Variants in POF1B observed in about 807,000 individuals in gnomAD.
POF1B encodes the protein protein POF1B.
POF1B carries 53 observed loss-of-function variants against 55.3 expected under a neutral mutation model. The observed-to-expected ratio is 0.96, with a 90% CI of 0.77 to 1.20. The LOEUF (loss-of-function observed/expected upper bound fraction) is 1.20. Ranked by LOEUF, POF1B falls within the 50% of genes most tolerant of loss-of-function variation. POF1B has a pLI of 0.00. For missense variants in POF1B, 478 were observed against 420.5 expected (o/e 1.14, Z -1.20); for synonymous variants, 188 against 148.3 (o/e 1.27, Z -1.95).
intron 15 of POF1B, among the ~76,000 whole-genome samples, chrX:85,298,488 T>C (rs1399883992): frequency 8.9e-6 from 1 of 111,873 alleles, no homozygotes; most frequent in African/African-American, 3.3e-5. Context: ...GAACTAATCC[T>C]GGTGCTTGGC....
intron 15 of POF1B, among the ~76,000 whole-genome samples, chrX:85,302,387 G>C (rs952508259): frequency 3.6e-5 from 4 of 111,300 alleles, no homozygotes; most frequent in Non-Finnish European, 7.6e-5. Flanking sequence ...ACTCCAATTG[G>C]ATACCACTTT....
chrX:85,356,333 C>A (rs989897325), intron 4 of POF1B, among the ~76,000 whole-genome samples: 5 of 108,649 alleles, frequency 4.6e-5, no homozygotes, highest in Non-Finnish European at 9.6e-5. Context: ...GGGGGGATAG[C>A]ATTAGGAGAT....
At chrX:85,324,106 G>A (rs1932870994) in intron 7 of POF1B, among the ~76,000 whole-genome samples, 1 of 111,562 alleles carries the variant, frequency 9.0e-6, no homozygotes, top group South Asian at 3.7e-4. Flanking sequence ...CATGTTTTTT[G>A]TATTTGCTGA....
intron 6 of POF1B, among the ~76,000 whole-genome samples, chrX:85,342,786 C>A: frequency 9.0e-6 from 1 of 111,442 alleles, no homozygotes; most frequent in Middle Eastern, 4.6e-3. Context: ...TTTAAAGATA[C>A]TCTTCTACCC....
Position 85,303,473 on chromosome X carries a change from G to T in POF1B, c.1582C>A (p.Arg528=). The T allele has an allele frequency of 8.5e-7, 1 of 1,173,340 alleles. No homozygotes were observed. Among genetic ancestry groups the T allele is most frequent in the Non-Finnish European group, 1.2e-6 (1 of 866,256 alleles). Residue 528 remains arginine, a synonymous_variant, in exon 15 of 17, where the codon CGG becomes AGG. Transcript: ENST00000262753. The stretch of plus-strand genomic sequence containing the variant: ...TTATGAGAGGAATATATTTCTTGCC[G>T]CAACTTGGAGAGTTCCTTACAAATA... ...KRQSEELSKL[R]QEIYSSHNQP...
At chrX:85,375,314 GA>G (rs1933902706) in intron 2 of POF1B, among the ~76,000 whole-genome samples, 1 of 111,625 alleles carries the variant, frequency 9.0e-6, no homozygotes, top group African/African-American at 3.3e-5. Flanking sequence ...GAATTGTCAA[GA>G]AAATAAACTT....
intron 7 of POF1B, among the ~76,000 whole-genome samples, chrX:85,324,161 C>T (rs1475797485): frequency 9.0e-6 from 1 of 111,655 alleles, no homozygotes; most frequent in Non-Finnish European, 1.9e-5. Flanking sequence ...GGAATATGTG[C>T]CATGTGCAGA....
intron 15 of POF1B, among the ~76,000 whole-genome samples, chrX:85,299,314 A>C (rs1177132418): frequency 1.1e-5 from 1 of 89,041 alleles, no homozygotes; most frequent in Non-Finnish European, 2.1e-5. Context: ...TTTGAGACGG[A>C]GTCTCGCTCT....
chrX:85,369,434 C>G (rs1933784183), intron 2 of POF1B, among the ~76,000 whole-genome samples: 1 of 111,108 alleles, frequency 9.0e-6, no homozygotes, highest in Admixed American at 9.6e-5. Flanking sequence ...AAGACCTTCT[C>G]TTGACCATCT....
chrX:85,330,572 T>C (rs1932958663), intron 7 of POF1B, among the ~76,000 whole-genome samples: 1 of 111,831 alleles, frequency 8.9e-6, no homozygotes, highest in African/African-American at 3.2e-5. Flanking sequence ...AATTCTTTAC[T>C]AATCCTAAAA....
chrX:85,278,952 T>G lies in POF1B; in HGVS notation c.*469A>C, dbSNP rs1931836885. The G allele has an allele frequency of 8.8e-6, 1 of 113,141 alleles. No individual in the cohort carries two copies. Among genetic ancestry groups the G allele is most frequent in the Non-Finnish European group, 1.9e-5 (1 of 53,944 alleles). The allele number at this position is 113,141 out of a possible 1,213,427, so 9.3% of individuals were successfully genotyped here. The stretch of plus-strand genomic sequence containing the variant: ...AATACAGACTGTATATATTATATAC[T>G]AGCTGTTATTTTTTGCTTCAATTGT... On this transcript the variant is annotated 3_prime_UTR_variant, in exon 17 of 17. Coordinates refer to ENST00000262753, the MANE Select transcript of POF1B (RefSeq NM_024921.4).
chrX:85,379,649 G>T lies in POF1B; in HGVS notation c.-52C>A. ...AGAGAAGAAAGCTACCTGAGCAGCA[G>T]CAAGAGCAGGTCTGGCAGCTACAGA... is the stretch of plus-strand genomic sequence containing the variant. On this transcript the variant is annotated 5_prime_UTR_variant, in exon 1 of 17. The change creates a new upstream start codon in the 5' untranslated region. Coordinates refer to ENST00000262753, the MANE Select transcript of POF1B (RefSeq NM_024921.4). 2.2e-6 allele frequency: 1 copy of T among 451,879 alleles called. No individual in the cohort carries two copies. Among genetic ancestry groups the T allele is most frequent in the Admixed American group, 4.0e-5 (1 of 24,929 alleles). The allele number at this position is 451,879 out of a possible 1,213,427, so 37.2% of individuals were successfully genotyped here.
intron 9 of POF1B, among the ~76,000 whole-genome samples, chrX:85,311,409 T>C (rs1410340302): frequency 9.3e-6 from 1 of 108,008 alleles, no homozygotes; most frequent in African/African-American, 3.4e-5. Context: ...GTGTTCTCAC[T>C]GTTCAACTCC....
chrX:85,345,515 A>G (rs192976682), intron 6 of POF1B, among the ~76,000 whole-genome samples: 45 of 111,546 alleles, frequency 4.0e-4, no homozygotes, highest in African/African-American at 1.3e-3. Flanking sequence ...CTTAGATAAT[A>G]TAACTTCCAA....
At chrX:85,364,139 T>C (rs1180357275) in intron 3 of POF1B, among the ~76,000 whole-genome samples, 4 of 111,343 alleles carry the variant, frequency 3.6e-5, no homozygotes, top group Non-Finnish European at 5.7e-5. Flanking sequence ...ATGGGTGTCA[T>C]TGTAAGTGAG....
chrX:85,378,159 G>T (rs971193234), intron 2 of POF1B, among the ~76,000 whole-genome samples: 1 of 111,208 alleles, frequency 9.0e-6, no homozygotes, highest in African/African-American at 3.3e-5. Context: ...TTCTCAACCA[G>T]TTGAGAAATG....
At chrX:85,354,910 C>T (rs764634645) in intron 4 of POF1B, among the ~76,000 whole-genome samples, 126 of 111,182 alleles carry the variant, frequency 1.1e-3, no homozygotes, top group Non-Finnish European at 2.0e-3. Context: ...TCAATGCCAT[C>T]CCCATCAAGC....
chrX:85,367,091 A>G (rs950943270), intron 3 of POF1B, among the ~76,000 whole-genome samples: 1 of 111,124 alleles, frequency 9.0e-6, no homozygotes, highest in Non-Finnish European at 1.9e-5. Flanking sequence ...TCGTGTAACA[A>G]CAAACTTAGC....
intron 8 of POF1B, among the ~76,000 whole-genome samples, chrX:85,315,338 T>C (rs1374171752): frequency 9.0e-6 from 1 of 111,360 alleles, no homozygotes; most frequent in Non-Finnish European, 1.9e-5. Flanking sequence ...ATTAATCATA[T>C]AGATTTCAGT....
Sources: allele counts gnomAD v4.1 joint callset (sites outside exome capture counted in the v4.1 genomes callset), GRCh38; gene constraint gnomAD v4.1.1; transcripts MANE v1.5; gene names NCBI Gene and HGNC (gene_info 2026-07-23, HGNC 2026-07-21).